Variants in XRN1 observed in about 807,000 individuals in gnomAD.
The protein encoded by XRN1 is 5'-3' exoribonuclease 1.
In XRN1, 67 loss-of-function variants were observed where a neutral mutation model predicts 222.3. The ratio of observed to expected loss-of-function variants is 0.30; its 90% CI spans 0.25 to 0.37. The LOEUF (loss-of-function observed/expected upper bound fraction) is 0.37, where lower values mean the gene tolerates loss of function less well. Ranked by LOEUF, XRN1 falls within the 10% of genes least tolerant of loss-of-function variation. The pLI is 1.00. For synonymous variants in XRN1, 643 were observed against 652.4 expected, an observed-to-expected ratio of 0.99 and a Z score of 0.22; for missense variants, 1,707 against 2,000.2, an observed-to-expected ratio of 0.85 and a Z score of 2.80.
rs1409774388 is a variant in XRN1 at position 142,376,482 on chromosome 3, C to A, written c.2828G>T (p.Arg943Ile). The A allele has an allele frequency of 5.6e-6, 9 of 1,608,758 alleles. No individual in the cohort carries two copies. The East Asian group carries it at 2.0e-4, about 36-fold the overall frequency. Residue 943 changes from arginine to isoleucine, a missense_variant, in exon 24 of 41, where the codon AGA becomes ATA. Arg to Ile is a moderately conservative substitution (Grantham distance 97). This residue lies in a region of XRN1 where 1,234 missense variants were observed against 1,518.2 expected (regional missense o/e 0.81). Coordinates refer to ENST00000392981, the MANE Select transcript of XRN1 (RefSeq NM_001282857.2). Reference sequence around the variant, plus strand: ...AATTTCTCTAACATAAACTTACTTTCTCCTAGATCCTCTTCCAATAAAAAT... The same window carrying A: ...AATTTCTCTAACATAAACTTACTTTATCCTAGATCCTCTTCCAATAAAAAT... Reference protein sequence around the residue: ...GSIFIGRGSRRNPHGDHKANV... With the variant: ...GSIFIGRGSRINPHGDHKANV...
chr3:142,385,584 T>C (rs943239162), intron 20 of XRN1, among the ~76,000 whole-genome samples: 3 of 152,164 alleles, frequency 2.0e-5, no homozygotes, highest in Non-Finnish European at 4.4e-5. Context: ...CATGGTAAAG[T>C]TGAGTAGTTG....
chr3:142,364,491 T>C (rs1483684961), intron 29 of XRN1, among the ~76,000 whole-genome samples: 3 of 152,196 alleles, frequency 2.0e-5, no homozygotes, highest in African/African-American at 7.2e-5. Flanking sequence ...TACAGTAATG[T>C]GAACTGTATG....
Position 142,306,861 on chromosome 3 carries a change from T to C in XRN1, c.*4650A>G, listed in dbSNP as rs979366041. ...AATCAAAAATTACAAAATGAGCACA[T>C]AAAAGTCTTCCCTTTTGAATTTTTA... On this transcript the variant is annotated 3_prime_UTR_variant, in exon 41 of 41. Transcript: ENST00000392981. 3.3e-5 allele frequency: 5 copies of C among 152,626 alleles called. No individual in the cohort carries two copies. The highest frequency in any genetic ancestry group is 1.2e-4 in the African/African-American group (5 of 41,460). The allele number at this position is 152,626 out of a possible 1,614,324, so 9.5% of individuals were successfully genotyped here. A position where few individuals can be genotyped will look rare whatever the true frequency, so the allele number is the denominator to read the frequency against.
At chr3:142,335,592 C>A in intron 33 of XRN1, 83 bp from the exon 34 acceptor site, 1 of 1,237,458 alleles carries the variant, frequency 8.1e-7, no homozygotes, top group East Asian at 2.4e-5. Context: ...AATAGCAAGG[C>A]ACTGTGTTAA....
rs1219171889 is a variant in XRN1, at chr3:142,307,349, G to A, written c.*4162C>T. 1 of 151,730 alleles carries A rather than the reference G, an allele frequency of 6.6e-6. No homozygotes were observed. The highest frequency in any genetic ancestry group is 1.9e-4 in the East Asian group (1 of 5,184). The allele number at this position is 151,730 out of a possible 1,614,324, so 9.4% of individuals were successfully genotyped here. ...CCAACTGCTGAAACAACCAAGTGCA[G>A]TTGGTGTACGGCTGGAGGGAAAAAA... On this transcript the variant is annotated 3_prime_UTR_variant, in exon 41 of 41. Coordinates refer to ENST00000392981, the MANE Select transcript of XRN1 (RefSeq NM_001282857.2).
At chr3:142,383,799 C>T (rs947537141) in intron 21 of XRN1, among the ~76,000 whole-genome samples, 1 of 151,984 alleles carries the variant, frequency 6.6e-6, no homozygotes, top group Admixed American at 6.6e-5. Context: ...ATTACAGGAT[C>T]GCTACATACT....
intron 13 of XRN1, among the ~76,000 whole-genome samples, chr3:142,414,529 T>C (rs1461466686): frequency 2.0e-5 from 3 of 151,492 alleles, no homozygotes; most frequent in Admixed American, 1.3e-4. Context: ...AGAGTCTCGC[T>C]CTGTTGCCCA....
intron 22 of XRN1, among the ~76,000 whole-genome samples, chr3:142,383,062 G>T (rs2067361609): frequency 6.6e-6 from 1 of 151,994 alleles, no homozygotes; most frequent in Non-Finnish European, 1.5e-5. Flanking sequence ...AAAGAGATCA[G>T]GATTTGAACA....
At chr3:142,382,959 G>T (rs991904019) in intron 22 of XRN1, among the ~76,000 whole-genome samples, 4 of 151,616 alleles carry the variant, frequency 2.6e-5, no homozygotes, top group African/African-American at 9.7e-5. Flanking sequence ...AAATATGAAC[G>T]CATTTACAAA....
At chr3:142,354,816 CCA>C (rs1364561443) in intron 32 of XRN1, among the ~76,000 whole-genome samples, 1 of 152,100 alleles carries the variant, frequency 6.6e-6, no homozygotes, top group Non-Finnish European at 1.5e-5. Flanking sequence ...CAGGTGTGAG[CCA>C]CAGTGCCCGG....
rs1392657135 is a variant in XRN1, at chr3:142,309,415, G to C, written c.*2096C>G. ...ATTTTTGTATTTTTAGTAGAGACAG[G>C]GCTTCATCATGTTGGCCAGGCTTGT... On this transcript the variant is annotated 3_prime_UTR_variant, in exon 41 of 41. Coordinates refer to ENST00000392981, the MANE Select transcript of XRN1 (RefSeq NM_001282857.2). 1 of 152,128 alleles carries C rather than the reference G, an allele frequency of 6.6e-6. No homozygotes were observed. Among genetic ancestry groups the C allele is most frequent in the African/African-American group, 2.4e-5 (1 of 41,418 alleles). The allele number at this position is 152,128 out of a possible 1,614,324, so 9.4% of individuals were successfully genotyped here.
intron 25 of XRN1, among the ~76,000 whole-genome samples, chr3:142,373,914 A>C (rs1244459414): frequency 6.6e-6 from 1 of 152,132 alleles, no homozygotes; most frequent in Non-Finnish European, 1.5e-5. Flanking sequence ...CTGGGGAGGC[A>C]GAGGTTGCAG....
chr3:142,329,048 A>G (rs1410430354), intron 37 of XRN1, among the ~76,000 whole-genome samples: 1 of 151,856 alleles, frequency 6.6e-6, no homozygotes, highest in East Asian at 1.9e-4. Flanking sequence ...ATGACCCATT[A>G]CAACTGGCCA....
intron 29 of XRN1, among the ~76,000 whole-genome samples, chr3:142,363,900 C>T (rs549869707): frequency 6.6e-6 from 1 of 152,168 alleles, no homozygotes; most frequent in African/African-American, 2.4e-5. Context: ...GACATTTTAA[C>T]AATAGTGAGT....
chr3:142,323,223 A>C (rs2065409702), intron 37 of XRN1, among the ~76,000 whole-genome samples: 1 of 151,964 alleles, frequency 6.6e-6, no homozygotes, highest in Non-Finnish European at 1.5e-5. Context: ...ATAAGGTTTC[A>C]GATTCCACAC....
In XRN1 at chr3:142,392,893, T is replaced by C. The variant is rs1315375888; in HGVS notation, c.2339+4436A>G. ...TTTCCAGTTCTAGATCCCTGAGGAA[T>C]TGCCACACTGACTTCCACAATGGTT... is the stretch of plus-strand genomic sequence containing the variant. On this transcript the variant is annotated intron_variant, in intron 20 of 40. Transcript: ENST00000392981. Among the ~76,000 whole-genome samples, 921 of 149,770 alleles carry C rather than the reference T, an allele frequency of 6.1e-3. 8 individuals carry two copies. Among genetic ancestry groups the C allele is most frequent in the African/African-American group, 0.022 (865 of 40,178 alleles).
chr3:142,437,518 C>T (rs1424231668), intron 1 of XRN1, among the ~76,000 whole-genome samples: 2 of 152,180 alleles, frequency 1.3e-5, no homozygotes, highest in Admixed American at 1.3e-4. Context: ...ATAAAAGGTC[C>T]TGCATGATTT....
chr3:142,398,300 TATAAAA>T (rs1479915852), intron 19 of XRN1, among the ~76,000 whole-genome samples: 2 of 151,614 alleles, frequency 1.3e-5, no homozygotes, highest in Non-Finnish European at 2.9e-5. Flanking sequence ...AGACTAAACA[TATAAAA>T]ATAAACATTT....
intron 37 of XRN1, among the ~76,000 whole-genome samples, chr3:142,321,296 T>G (rs1270524829): frequency 6.6e-6 from 1 of 151,960 alleles, no homozygotes; most frequent in African/African-American, 2.4e-5. Flanking sequence ...ATTCTTTGTA[T>G]TTTTAGTAGA....
Sources: allele counts gnomAD v4.1 joint callset (sites outside exome capture counted in the v4.1 genomes callset), GRCh38; gene constraint gnomAD v4.1.1; regional missense constraint gnomAD v4.1.1; transcripts MANE v1.5; gene names NCBI Gene and HGNC (gene_info 2026-07-23, HGNC 2026-07-21).